DPF3: variants seen among roughly 807,000 people sequenced by gnomAD.
The protein encoded by DPF3 is double PHD fingers 3.
In DPF3, 18 loss-of-function variants were observed where a neutral mutation model predicts 56.8. That is an observed-to-expected ratio of 0.32 (90% confidence interval 0.22 to 0.47). The LOEUF (loss-of-function observed/expected upper bound fraction) is 0.47. Among genes scored for constraint, DPF3 ranks in the 20% least tolerant of loss-of-function variants. The probability of loss-of-function intolerance (pLI) is 1.00; values close to 1 mark genes in which losing one functional copy is unlikely to be tolerated. For synonymous variants in DPF3, 188 were observed against 180.2 expected, an observed-to-expected ratio of 1.04 and a Z score of -0.35; for missense variants, 403 against 488.8, an observed-to-expected ratio of 0.82 and a Z score of 1.65.
In DPF3 at chr14:72,615,926, T is replaced by C. The variant is rs1446197366; in HGVS notation, c.*3371A>G. Among the ~76,000 whole-genome samples the C allele has an allele frequency of 2.0e-5, 3 of 152,238 alleles. No individual in the cohort carries two copies. Among genetic ancestry groups the C allele is most frequent in the Non-Finnish European group, 4.4e-5 (3 of 68,040 alleles). ...GTTGGGTCTGGCAGCCTCACCTCTCTGGTTTGCTGGAGCCACAGTACAGAG... is the reference window on the plus strand; with the variant it reads ...GTTGGGTCTGGCAGCCTCACCTCTCCGGTTTGCTGGAGCCACAGTACAGAG... On this transcript the variant is annotated 3_prime_UTR_variant, in exon 11 of 11. Coordinates refer to ENST00000556509, the MANE Select transcript of DPF3 (RefSeq NM_001280542.3).
chr14:72,785,738 TC>T (rs1165579831), intron 1 of DPF3, among the ~76,000 whole-genome samples: 3 of 152,180 alleles, frequency 2.0e-5, no homozygotes, highest in Non-Finnish European at 4.4e-5. Context: ...ATATGGGGCT[TC>T]CTGAAAATAT....
At chr14:72,685,866 C>T (rs552959924) in intron 7 of DPF3, among the ~76,000 whole-genome samples, 3 of 152,342 alleles carry the variant, frequency 2.0e-5, no homozygotes, top group African/African-American at 4.8e-5. Context: ...AGCCAAGAGA[C>T]ACGTGGAGCC....
chr14:72,832,219 TA>T lies in DPF3; in HGVS notation c.33-60327del, dbSNP rs539481138. ...GCAACAGAGTAAGACCATGTTTCTT[TA>T]AAAAAAATTAAAATTAAAAAATAAA... On this transcript the variant is annotated intron_variant, in intron 1 of 10. Transcript: ENST00000556509. Among the ~76,000 whole-genome samples, 13 of 151,972 alleles carry T rather than the reference TA, an allele frequency of 8.6e-5. No homozygotes were observed. The East Asian group carries it at 1.5e-3, about 18-fold the overall frequency.
intron 3 of DPF3, among the ~76,000 whole-genome samples, chr14:72,736,850 TA>T (rs1230562983): frequency 6.6e-6 from 1 of 151,930 alleles, no homozygotes; most frequent in South Asian, 2.1e-4. Context: ...CCTTTAACAT[TA>T]AAAGAAAATG....
At chr14:72,764,480 A>AGTT (rs1269733147) in intron 2 of DPF3, among the ~76,000 whole-genome samples, 2 of 81,344 alleles carry the variant, frequency 2.5e-5, no homozygotes, top group African/African-American at 9.9e-5. Context: ...TATTTTCCTG[A>AGTT]GTTGTTTTTT....
At chr14:72,693,909 GA>G (rs1228168758) in intron 6 of DPF3, among the ~76,000 whole-genome samples, 1 of 152,228 alleles carries the variant, frequency 6.6e-6, no homozygotes, top group Non-Finnish European at 1.5e-5. Flanking sequence ...CTTCTACCAT[GA>G]ACGCCATGGA....
chr14:72,717,606 T>C (rs1427043554), intron 5 of DPF3, among the ~76,000 whole-genome samples: 1 of 152,228 alleles, frequency 6.6e-6, no homozygotes, highest in African/African-American at 2.4e-5. Context: ...TACTTTATTA[T>C]GACCCCCTAA....
In DPF3 at chr14:72,754,990, G is replaced by A. The variant is rs1890731427; in HGVS notation, c.194-1619C>T. 3.3e-5 allele frequency among the ~76,000 whole-genome samples: 5 copies of A among 152,212 alleles called. No individual in the cohort carries two copies. In the South Asian group the frequency reaches 1.0e-3, roughly 32 times the overall value. On this transcript the variant is annotated intron_variant, in intron 2 of 10. Transcript: ENST00000556509. ...TCAGAATTGAATGACCATTGGCCCTGCTGTTCCTGGCTCCAGGGGACTCAT... is the reference window on the plus strand; with the variant it reads ...TCAGAATTGAATGACCATTGGCCCTACTGTTCCTGGCTCCAGGGGACTCAT...
intron 2 of DPF3, among the ~76,000 whole-genome samples, chr14:72,756,861 A>G (rs1447130310): frequency 1.0e-3 from 129 of 124,888 alleles, no homozygotes; most frequent in African/African-American, 4.2e-3. Context: ...AGAAAGAAAG[A>G]AAGAAAGAAA....
At chr14:72,811,488 C>T (rs1883042943) in intron 1 of DPF3, among the ~76,000 whole-genome samples, 1 of 152,134 alleles carries the variant, frequency 6.6e-6, no homozygotes, top group Non-Finnish European at 1.5e-5. Flanking sequence ...TGATCTTGGA[C>T]TTTTAGCCTC....
intron 4 of DPF3, chr14:72,731,341 G>T: frequency 6.2e-6 from 1 of 161,560 alleles, no homozygotes. Flanking sequence ...GCTGGGCACT[G>T]CTGGGAAACG....
chr14:72,626,359 A>G (rs1179952256), intron 9 of DPF3, among the ~76,000 whole-genome samples: 1 of 151,936 alleles, frequency 6.6e-6, no homozygotes, highest in Non-Finnish European at 1.5e-5. Context: ...TTCTTCTTAT[A>G]TTTCTTTTAC....
chr14:72,749,846 T>TA lies in DPF3; in HGVS notation c.301+3417dup, dbSNP rs200765874. On this transcript the variant is annotated intron_variant, in intron 3 of 10. Coordinates refer to ENST00000556509, the MANE Select transcript of DPF3 (RefSeq NM_001280542.3). ...CAGGGTGACAGAGTGAGACCCTGTT[T>TA]AAAAAAAAAAAAGAAAAGAAAAGAA... Among the ~76,000 whole-genome samples the TA allele has an allele frequency of 4.9e-3, 605 of 122,748 alleles. 5 individuals carry two copies. Among genetic ancestry groups the TA allele is most frequent in the African/African-American group, 0.015 (500 of 32,694 alleles). 80.5% of individuals were successfully genotyped at this position (122,748 alleles called of 152,430 possible).
chr14:72,661,870 T>C (rs1886230886), intron 8 of DPF3: 3 of 976,600 alleles, frequency 3.1e-6, no homozygotes, highest in Admixed American at 6.2e-5. Context: ...TTTTTTTTTT[T>C]TTTTTGCTGC....
At chr14:72,827,495 T>G (rs903067239) in intron 1 of DPF3, among the ~76,000 whole-genome samples, 14 of 129,708 alleles carry the variant, frequency 1.1e-4, no homozygotes, top group African/African-American at 4.6e-4. Flanking sequence ...ACTCTTTTTT[T>G]TTTTTTTTTT....
Position 72,609,564 on chromosome 14 carries a change from A to G in DPF3, c.*9733T>C, listed in dbSNP as rs1404171142. The stretch of plus-strand genomic sequence containing the variant: ...TACGTTCCTTAGGCAGGGCAGAAAC[A>G]TCACAGCACTTCACGTTAGGAACCA... On this transcript the variant is annotated 3_prime_UTR_variant, in exon 11 of 11. Coordinates refer to ENST00000556509, the MANE Select transcript of DPF3 (RefSeq NM_001280542.3). Among the ~76,000 whole-genome samples, 1 of 152,232 alleles carries G rather than the reference A, an allele frequency of 6.6e-6. No homozygotes were observed. Among genetic ancestry groups the G allele is most frequent in the Non-Finnish European group, 1.5e-5 (1 of 68,046 alleles).
At chr14:72,785,479 C>T (rs142475509) in intron 1 of DPF3, among the ~76,000 whole-genome samples, 1 of 152,318 alleles carries the variant, frequency 6.6e-6, no homozygotes, top group Non-Finnish European at 1.5e-5. Context: ...ACTGCACTGT[C>T]AGCCTCTTAC....
chr14:72,814,351 G>A (rs72730369), intron 1 of DPF3, among the ~76,000 whole-genome samples: 25,468 of 132,906 alleles, frequency 0.19, 2,784 homozygotes, highest in Non-Finnish European at 0.25. Flanking sequence ...GTGTGAGAGC[G>A]AGAGAGAGAG....
chr14:72,887,655 T>G (rs1456058827), intron 1 of DPF3, among the ~76,000 whole-genome samples: 1 of 148,490 alleles, frequency 6.7e-6, no homozygotes, highest in Non-Finnish European at 1.5e-5. Flanking sequence ...GGAATCAAAG[T>G]ACATCACCAT....
Sources: gnomAD v4.1 joint callset for allele counts (sites outside exome capture counted in the v4.1 genomes callset) on GRCh38, gnomAD v4.1.1 for gene constraint, MANE v1.5 for transcripts, NCBI Gene and HGNC (gene_info 2026-07-23, HGNC 2026-07-21) for gene names.